NAALADL2: variants seen among roughly 807,000 people sequenced by gnomAD.
NAALADL2 encodes inactive N-acetylated-alpha-linked acidic dipeptidase-like protein 2.
A neutral mutation model predicts 87.2 loss-of-function variants in NAALADL2; 76 were observed. The ratio of observed to expected loss-of-function variants is 0.87; its 90% confidence interval spans 0.72 to 1.05. The LOEUF is 1.05. NAALADL2 is among the 50% of genes least tolerant of loss of function. The pLI, the probability that NAALADL2 is intolerant of heterozygous loss-of-function variation, is 0.00. For synonymous variants in NAALADL2, 354 were observed against 331.0 expected (o/e 1.07, Z -0.75); for missense variants, 1,089 against 945.8 (o/e 1.15, Z -1.99).
intron 2 of NAALADL2, among the ~76,000 whole-genome samples, chr3:175,117,521 A>T (rs1490338085): frequency 6.6e-6 from 1 of 152,078 alleles, no homozygotes; most frequent in Non-Finnish European, 1.5e-5. Context: ...AATGCTCATC[A>T]TCATTACTGG....
intron 1 of NAALADL2, among the ~76,000 whole-genome samples, chr3:174,966,570 C>T (rs1268554419): frequency 1.3e-5 from 2 of 152,034 alleles, no homozygotes; most frequent in Non-Finnish European, 2.9e-5. Flanking sequence ...AGGGAGGTAT[C>T]TAGAGTGACA....
At chr3:175,123,336 T>A (rs1726431635) in intron 2 of NAALADL2, among the ~76,000 whole-genome samples, 1 of 151,934 alleles carries the variant, frequency 6.6e-6, no homozygotes, top group Non-Finnish European at 1.5e-5. Context: ...ATGGTGGTAC[T>A]AATAGATGGT....
chr3:174,851,365 A>AG (rs1262756172), intron 3 of NAALADL2, among the ~76,000 whole-genome samples: 82 of 146,036 alleles, frequency 5.6e-4, no homozygotes, highest in South Asian at 3.4e-3. Flanking sequence ...GCCAGACTAA[A>AG]AAAAAAAAAA....
In NAALADL2 at chr3:174,771,265, G is replaced by A. The variant is rs540097778; in HGVS notation, c.-9+33519G>A. 2.6e-5 allele frequency among the ~76,000 whole-genome samples: 4 copies of A among 152,274 alleles called. No homozygotes were observed. The South Asian group carries it at 8.3e-4, about 32-fold the overall frequency. On this transcript the variant is annotated intron_variant, in intron 3 of 3. Coordinates refer to the NAALADL2 transcript ENST00000434257. Reference sequence around the variant, plus strand: ...TTAATTGAAATACACAAAATTCAGAGTAAAATCAAAGTATAATAAGAGCAC... The same window carrying A: ...TTAATTGAAATACACAAAATTCAGAATAAAATCAAAGTATAATAAGAGCAC...
intron 5 of NAALADL2, among the ~76,000 whole-genome samples, chr3:175,378,020 T>C (rs1767359465): frequency 6.6e-6 from 1 of 152,154 alleles, no homozygotes; most frequent in Non-Finnish European, 1.5e-5. Flanking sequence ...TTGGGATCCA[T>C]GAGTGCAGAT....
chr3:174,615,921 T>A (rs2108653156), intron 2 of NAALADL2, among the ~76,000 whole-genome samples: 1 of 152,218 alleles, frequency 6.6e-6, no homozygotes, highest in African/African-American at 2.4e-5. Flanking sequence ...ATCTAGAATA[T>A]ATGAAATCAA....
intron 1 of NAALADL2, among the ~76,000 whole-genome samples, chr3:174,923,054 G>T (rs754499071): frequency 6.6e-6 from 1 of 152,112 alleles, no homozygotes; most frequent in Non-Finnish European, 1.5e-5. Flanking sequence ...ACAAAAAAAG[G>T]AACAAGGCAA....
chr3:175,583,075 T>A (rs1715297996), intron 10 of NAALADL2, among the ~76,000 whole-genome samples: 1 of 152,190 alleles, frequency 6.6e-6, no homozygotes, highest in African/African-American at 2.4e-5. Context: ...TTAATAAACC[T>A]AACCTACCAA....
intron 5 of NAALADL2, among the ~76,000 whole-genome samples, chr3:175,389,131 A>T (rs909444938): frequency 6.6e-6 from 1 of 152,152 alleles, no homozygotes; most frequent in African/African-American, 2.4e-5. Context: ...AGAGTAAGCA[A>T]CATTTTAAGC....
intron 3 of NAALADL2, among the ~76,000 whole-genome samples, chr3:174,744,049 T>C (rs139738278): frequency 8.2e-4 from 125 of 152,046 alleles, no homozygotes; most frequent in African/African-American, 2.9e-3. Flanking sequence ...ACTCACACTG[T>C]CTGCCAAACC....
intron 9 of NAALADL2, among the ~76,000 whole-genome samples, chr3:175,561,594 A>G (rs937048192): frequency 6.6e-6 from 1 of 152,188 alleles, no homozygotes; most frequent in Non-Finnish European, 1.5e-5. Context: ...TGTACAAAAT[A>G]TGTATACTGT....
At chr3:175,234,586 A>G (rs1745511423) in intron 3 of NAALADL2, among the ~76,000 whole-genome samples, 1 of 152,220 alleles carries the variant, frequency 6.6e-6, no homozygotes, top group Admixed American at 6.5e-5. Flanking sequence ...CACAAAAGAA[A>G]TTAAGTGGAA....
chr3:174,898,410 A>G (rs1329928082), intron 1 of NAALADL2, among the ~76,000 whole-genome samples: 2 of 151,612 alleles, frequency 1.3e-5, no homozygotes, highest in Admixed American at 6.6e-5. Flanking sequence ...TTAATAATAA[A>G]TAGAATGAAT....
rs1410037429 is a variant in NAALADL2 at position 175,013,139 on chromosome 3, TATGTA to T, written c.44-83648_44-83644del. Among the ~76,000 whole-genome samples the T allele has an allele frequency of 9.5e-4, 87 of 91,680 alleles. 3 individuals are homozygous for T. The highest frequency in any genetic ancestry group is 3.6e-3 in the South Asian group (11 of 3,024). 60.1% of individuals were successfully genotyped at this position (91,680 alleles called of 152,430 possible). On this transcript the variant is annotated intron_variant, in intron 1 of 13. Coordinates refer to ENST00000454872, the MANE Select transcript of NAALADL2 (RefSeq NM_207015.3). ...ATAAATATACATATTTATATATAAATATGTAATACATATTTATATATAAATATGTA... is the reference window on the plus strand; with the variant it reads ...ATAAATATACATATTTATATATAAATATACATATTTATATATAAATATGTA...
intron 2 of NAALADL2, among the ~76,000 whole-genome samples, chr3:174,659,251 G>T (rs965258096): frequency 2.6e-5 from 4 of 151,948 alleles, no homozygotes; most frequent in Non-Finnish European, 4.4e-5. Context: ...ATGTTCCCTC[G>T]TTTATTTGTA....
At chr3:174,900,199 T>C (rs1732142606) in intron 1 of NAALADL2, among the ~76,000 whole-genome samples, 1 of 152,084 alleles carries the variant, frequency 6.6e-6, no homozygotes, top group Non-Finnish European at 1.5e-5. Context: ...TAGAATTTTA[T>C]AAACTATCAC....
chr3:174,550,851 A>G (rs967323473), intron 2 of NAALADL2: 1 of 152,058 alleles, frequency 6.6e-6, no homozygotes, highest in African/African-American at 2.4e-5. Context: ...ATAATTTTAT[A>G]GCATTTTAAA....
chr3:174,737,914 A>G (rs1457693416), intron 3 of NAALADL2, among the ~76,000 whole-genome samples: 2 of 152,140 alleles, frequency 1.3e-5, no homozygotes, highest in East Asian at 1.9e-4. Flanking sequence ...ATTTTTATTT[A>G]TCTTTTATTT....
intron 3 of NAALADL2, among the ~76,000 whole-genome samples, chr3:174,849,880 A>T (rs1426002272): frequency 6.6e-6 from 1 of 150,930 alleles, no homozygotes; most frequent in Non-Finnish European, 1.5e-5. Flanking sequence ...TGTACCTATT[A>T]TTTTTGATTG....
Sources: allele counts gnomAD v4.1 joint callset (sites outside exome capture counted in the v4.1 genomes callset), GRCh38; gene constraint gnomAD v4.1.1; transcripts MANE v1.5; gene names NCBI Gene and HGNC (gene_info 2026-07-23, HGNC 2026-07-21).